The following SPMIP7 variants were observed in gnomAD, a reference collection of about 807,000 sequenced individuals.
SPMIP7 encodes protein SPMIP7.
the SPMIP7 span, among the ~76,000 whole-genome samples, chr7:50,132,018 C>G: frequency 6.6e-6 from 1 of 152,054 alleles, no homozygotes; most frequent in Non-Finnish European, 1.5e-5. Flanking sequence ...TAAAAGTATA[C>G]CCATGACCAA....
chr7:50,122,175 TG>T, the SPMIP7 span, among the ~76,000 whole-genome samples: 2 of 152,332 alleles, frequency 1.3e-5, no homozygotes, highest in East Asian at 3.9e-4. Flanking sequence ...AGTATAACAT[TG>T]TCCTCTGAAT....
chr7:50,116,103 T>C, the SPMIP7 span, among the ~76,000 whole-genome samples: 1 of 152,194 alleles, frequency 6.6e-6, no homozygotes, highest in African/African-American at 2.4e-5. Context: ...ATTAAATTAC[T>C]TTTCATTTTA....
the SPMIP7 span, among the ~76,000 whole-genome samples, chr7:50,130,057 A>C: frequency 1.3e-5 from 2 of 152,176 alleles, no homozygotes; most frequent in Admixed American, 6.6e-5. Context: ...CATCCTAGAA[A>C]GCCAAGACAG....
At chr7:50,107,236 G>A in the SPMIP7 span, among the ~76,000 whole-genome samples, 1 of 151,596 alleles carries the variant, frequency 6.6e-6, no homozygotes, top group African/African-American at 2.4e-5. Flanking sequence ...CGTGTCTGTA[G>A]TCCCAGCTAC....
chr7:50,151,117 A>T, the SPMIP7 span, among the ~76,000 whole-genome samples: 26 of 152,366 alleles, frequency 1.7e-4, no homozygotes, highest in African/African-American at 6.3e-4. Context: ...CTCTGTCAAG[A>T]CCTGGTATCT....
chr7:50,136,629 T>C, the SPMIP7 span, among the ~76,000 whole-genome samples: 2 of 152,184 alleles, frequency 1.3e-5, no homozygotes, highest in African/African-American at 4.8e-5. Flanking sequence ...GGACTTTATA[T>C]AAAATAGATT....
At chr7:50,110,649 ATATAATG>A in the SPMIP7 span, among the ~76,000 whole-genome samples, 1 of 137,680 alleles carries the variant, frequency 7.3e-6, no homozygotes, top group Non-Finnish European at 1.5e-5. Context: ...TAAATATATT[ATATAATG>A]TGTGTACATC....
the SPMIP7 span, among the ~76,000 whole-genome samples, chr7:50,133,065 G>A: frequency 6.6e-6 from 1 of 152,298 alleles, no homozygotes. Flanking sequence ...GAATAGGGCA[G>A]GAGAAGGTCT....
chr7:50,111,127 G>A, the SPMIP7 span, among the ~76,000 whole-genome samples: 1 of 146,934 alleles, frequency 6.8e-6, no homozygotes, highest in Admixed American at 6.9e-5. Flanking sequence ...ATTATATTAT[G>A]TTATATATGT....
chr7:50,134,281 C>T, the SPMIP7 span: 3 of 1,477,184 alleles, frequency 2.0e-6, no homozygotes, highest in South Asian at 2.7e-5. Context: ...ATGTATTTCT[C>T]ATTGTTATTG....
At chr7:50,110,495 TATACATTATATTTATATATTTG>T in the SPMIP7 span, among the ~76,000 whole-genome samples, 1 of 146,274 alleles carries the variant, frequency 6.8e-6, no homozygotes, top group Non-Finnish European at 1.5e-5. Flanking sequence ...TATTATGTGC[TATACATTATATTTATATATTTG>T]ATACATTATA....
the SPMIP7 span, chr7:50,142,740 T>C: frequency 6.6e-6 from 1 of 152,238 alleles, no homozygotes; most frequent in South Asian, 2.1e-4. Flanking sequence ...CAGCCATGTG[T>C]GTGGCCCCAA....
At chr7:50,107,187 T>G in the SPMIP7 span, among the ~76,000 whole-genome samples, 1 of 151,086 alleles carries the variant, frequency 6.6e-6, no homozygotes, top group Non-Finnish European at 1.5e-5. Context: ...AAAACCCCAT[T>G]TCTATTAAAA....
the SPMIP7 span, among the ~76,000 whole-genome samples, chr7:50,122,208 T>C: frequency 6.6e-6 from 1 of 152,186 alleles, no homozygotes; most frequent in South Asian, 2.1e-4. Flanking sequence ...AACTGTAGAG[T>C]AAGAGATGAA....
the SPMIP7 span, chr7:50,136,127 A>G: frequency 6.4e-7 from 1 of 1,551,482 alleles, no homozygotes; most frequent in Non-Finnish European, 8.7e-7. Context: ...ACAGATTTCA[A>G]ACAAGATCTT....
At chr7:50,121,923 C>G in the SPMIP7 span, among the ~76,000 whole-genome samples, 1 of 151,970 alleles carries the variant, frequency 6.6e-6, no homozygotes, top group Non-Finnish European at 1.5e-5. Context: ...TCCCAAAGTG[C>G]TGGGATTACA....
the SPMIP7 span, among the ~76,000 whole-genome samples, chr7:50,131,698 T>A: frequency 1.3e-5 from 2 of 152,040 alleles, no homozygotes; most frequent in Non-Finnish European, 2.9e-5. Context: ...AGATTGAGGA[T>A]GTGTTCAGGG....
chr7:50,150,936 G>A, the SPMIP7 span, among the ~76,000 whole-genome samples: 10 of 152,276 alleles, frequency 6.6e-5, no homozygotes, highest in South Asian at 2.1e-4. Flanking sequence ...GCTGGTGTAC[G>A]TTTGTTTCCA....
chr7:50,122,287 A>G, the SPMIP7 span, among the ~76,000 whole-genome samples: 4 of 151,930 alleles, frequency 2.6e-5, no homozygotes, highest in African/African-American at 9.7e-5. Context: ...CTGATCTTTG[A>G]CAAACCTGAG....
Sources: allele counts gnomAD v4.1 joint callset (sites outside exome capture counted in the v4.1 genomes callset), GRCh38; gene constraint gnomAD v4.1.1; transcripts MANE v1.5; gene names NCBI Gene and HGNC (gene_info 2026-07-23, HGNC 2026-07-21).